Variants in BTNL9 observed in about 807,000 individuals in gnomAD.
BTNL9 encodes butyrophilin like 9.
In BTNL9, 45 loss-of-function variants were observed where a neutral mutation model predicts 45.8. That is an observed-to-expected ratio of 0.98 (90% confidence interval 0.77 to 1.26). BTNL9 has a LOEUF of 1.26. BTNL9 is among the 50% of genes most tolerant of loss of function. BTNL9 has a pLI of 0.00. For synonymous variants in BTNL9, 346 were observed against 330.8 expected (o/e 1.05, Z -0.50); for missense variants, 784 against 729.7 (o/e 1.07, Z -0.86).
chr5:181,061,307 C>T lies in BTNL9; in HGVS notation c.*1445C>T, dbSNP rs1247736584. 6.6e-6 allele frequency: 1 copy of T among 152,212 alleles called. No homozygotes were observed. Among genetic ancestry groups the T allele is most frequent in the African/African-American group, 2.4e-5 (1 of 41,458 alleles). The allele number at this position is 152,212 out of a possible 1,614,324, so 9.4% of individuals were successfully genotyped here. On this transcript the variant is annotated 3_prime_UTR_variant, in exon 11 of 11. Coordinates refer to ENST00000327705, the MANE Select transcript of BTNL9 (RefSeq NM_152547.5). ...TCTAGGTGACTGGTCGACAGATGTT[C>T]ATTGTACTATCAATGTGGCTTTGCT...
rs1760825232 is a variant in BTNL9, at chr5:181,042,450, G to A, written c.-24+2018G>A. Among the ~76,000 whole-genome samples the A allele has an allele frequency of 6.6e-6, 1 of 152,202 alleles. No homozygotes were observed. The highest frequency in any genetic ancestry group is 2.4e-5 in the African/African-American group (1 of 41,444). On this transcript the variant is annotated intron_variant, in intron 1 of 10. Coordinates refer to ENST00000327705, the MANE Select transcript of BTNL9 (RefSeq NM_152547.5). The surrounding 1 kb of genome is among the most constrained non-coding windows in gnomAD (Gnocchi z 4.5). The stretch of plus-strand genomic sequence containing the variant: ...GGGTGGAAAGTGTTTCCTTCGAGGA[G>A]GGGACTTACGCTTCAAGTAAGGATT...
In BTNL9 at chr5:181,059,977, G is replaced by A; in HGVS notation, c.*115G>A. 2 of 973,322 alleles carry A rather than the reference G, an allele frequency of 2.1e-6. No individual in the cohort carries two copies. The highest frequency in any genetic ancestry group is 5.8e-4 in the Middle Eastern group (2 of 3,466). The allele number at this position is 973,322 out of a possible 1,614,324, so 60.3% of individuals were successfully genotyped here. On this transcript the variant is annotated 3_prime_UTR_variant, in exon 11 of 11. Coordinates refer to ENST00000327705, the MANE Select transcript of BTNL9 (RefSeq NM_152547.5). ...GTGCACCAGCCAAAATGTCAGCGAG[G>A]GGGACAAAGAGAGGGACCTTTGCCT...
intron 10 of BTNL9, among the ~76,000 whole-genome samples, chr5:181,058,759 T>C (rs915238553): frequency 6.6e-6 from 1 of 151,128 alleles, no homozygotes; most frequent in African/African-American, 2.4e-5. Flanking sequence ...CTGGACTAGA[T>C]GATCTCAAAG....
At chr5:181,045,646 C>CT (rs755148732) in intron 2 of BTNL9, 48 bp downstream of exon 2, 1 of 1,426,248 alleles carries the variant, frequency 7.0e-7, no homozygotes, top group African/African-American at 1.4e-5. Context: ...GCCACCCCTC[C>CT]TGCCAGGTGC....
rs948481750 is a variant in BTNL9, at chr5:181,042,081, C to T, written c.-24+1649C>T. On this transcript the variant is annotated intron_variant, in intron 1 of 10. Coordinates refer to ENST00000327705, the MANE Select transcript of BTNL9 (RefSeq NM_152547.5). The surrounding 1 kb of genome is among the most constrained non-coding windows in gnomAD (Gnocchi z 4.5). The stretch of plus-strand genomic sequence containing the variant: ...GCAGGAGGAGAGAACAGGAGTGGGG[C>T]GGGCTGGGGGCAATGAGAGAGCAAG... 1.4e-4 allele frequency among the ~76,000 whole-genome samples: 22 copies of T among 151,964 alleles called. No homozygotes were observed. Among genetic ancestry groups the T allele is most frequent in the African/African-American group, 5.3e-4 (22 of 41,374 alleles).
At chr5:181,054,730 G>A in intron 7 of BTNL9, 1 of 985,210 alleles carries the variant, frequency 1.0e-6, no homozygotes, top group Non-Finnish European at 1.2e-6. Context: ...TGGAGGAAAA[G>A]GCCATCATGG....
intron 10 of BTNL9, 40 bp from the exon 11 acceptor site, chr5:181,059,197 G>A: frequency 6.8e-7 from 1 of 1,477,752 alleles, no homozygotes; most frequent in Non-Finnish European, 8.9e-7. Flanking sequence ...ACGGGGCCCA[G>A]ACCGTCCCGG....
chr5:181,054,053 T>G (rs902140828), intron 6 of BTNL9, 186 bp from the exon 7 acceptor site: 1 of 1,544,966 alleles, frequency 6.5e-7, no homozygotes, highest in African/African-American at 1.4e-5. Context: ...CAGCCAAGGG[T>G]GCGCACTTCC....
rs781133085 is a variant in BTNL9, at chr5:181,048,139, A to G, written c.322A>G (p.Lys108Glu). The G allele has an allele frequency of 8.1e-6, 13 of 1,613,548 alleles. No individual in the cohort carries two copies. Among genetic ancestry groups the G allele is most frequent in the Non-Finnish European group, 1.1e-5 (13 of 1,180,026 alleles). Residue 108 changes from lysine to glutamate, a missense_variant, in exon 3 of 11, where the codon AAG becomes GAG. Coordinates refer to ENST00000327705, the MANE Select transcript of BTNL9 (RefSeq NM_152547.5). ...GTTCCGGAACAGGACCAAGTTGGTC[A>G]AGGACGACATCGCCTATGGCAGCGT... ...PAFRNRTKLVKDDIAYGSVVL... is the reference protein window; with the variant it reads ...PAFRNRTKLVEDDIAYGSVVL...
rs372690028 is a variant in BTNL9, at chr5:181,054,271, G to C, written c.907+12G>C. The C allele has an allele frequency of 9.3e-6, 15 of 1,610,616 alleles. No individual in the cohort carries two copies. The highest frequency in any genetic ancestry group is 1.3e-5 in the African/African-American group (1 of 74,326). ...CACTGCAGAGCTGGGTAAGTTCTGG[G>C]TGCGGGGCCACAGTGCTGCCTGTCA... is the stretch of plus-strand genomic sequence containing the variant. On this transcript the variant is annotated intron_variant, in intron 7 of 10. Coordinates refer to ENST00000327705, the MANE Select transcript of BTNL9 (RefSeq NM_152547.5).
intron 10 of BTNL9, among the ~76,000 whole-genome samples, chr5:181,058,729 G>A (rs578244468): frequency 6.6e-6 from 1 of 151,994 alleles, no homozygotes; most frequent in Non-Finnish European, 1.5e-5. Context: ...AGATGGCATG[G>A]GGTGTTGAAA....
At chr5:181,054,155 T>G in intron 6 of BTNL9, 84 bp from the exon 7 acceptor site, 1 of 1,594,182 alleles carries the variant, frequency 6.3e-7, no homozygotes, top group South Asian at 1.1e-5. Context: ...GGCCTCAGTG[T>G]TCACCCATCT....
rs375394652 is a variant in BTNL9 at position 181,045,586 on chromosome 5, G to T, written c.97G>T (p.Glu33Ter). 1 of 1,611,390 alleles carries T rather than the reference G, an allele frequency of 6.2e-7. No homozygotes were observed. The highest frequency in any genetic ancestry group is 8.5e-7 in the Non-Finnish European group (1 of 1,178,540). Residue 33 changes from glutamate to a stop codon, truncating the protein, a stop_gained, in exon 2 of 11, where the codon GAG becomes TAG. Transcript: ENST00000327705. LOFTEE classifies it high-confidence loss of function. ...LMHLLLLQPG[E>*]PSSEVKVLGP... is the part of the protein sequence containing the mutation. ...GCACCTCCTCCTCCTTCAGCCTGGGGAGCCGAGCTCAGGTATTGTGTCTGC... is the reference window on the plus strand; with the variant it reads ...GCACCTCCTCCTCCTTCAGCCTGGGTAGCCGAGCTCAGGTATTGTGTCTGC...
chr5:181,050,460 T>A lies in BTNL9; in HGVS notation c.736+91T>A. On this transcript the variant is annotated intron_variant, in intron 4 of 10. Coordinates refer to ENST00000327705, the MANE Select transcript of BTNL9 (RefSeq NM_152547.5). The surrounding 1 kb of genome is among the most constrained non-coding windows in gnomAD (Gnocchi z 4.9). Reference sequence around the variant, plus strand: ...GCAGTCTATAAAGACACAATGGTACTGCGCCTGTCTGCATATAGGGTGTGT... The same window carrying A: ...GCAGTCTATAAAGACACAATGGTACAGCGCCTGTCTGCATATAGGGTGTGT... 1 of 1,430,442 alleles carries A rather than the reference T, an allele frequency of 7.0e-7. No individual in the cohort carries two copies. The allele number at this position is 1,430,442 out of a possible 1,614,324, so 88.6% of individuals were successfully genotyped here. A position where few individuals can be genotyped will look rare whatever the true frequency, so the allele number is the denominator to read the frequency against.
rs777966251 is a variant in BTNL9 at position 181,045,607 on chromosome 5, T to C, written c.109+9T>C. ...TGGGGAGCCGAGCTCAGGTATTGTGTCTGCAGCCTAGCTGGCCAGGATGTG... is the reference window on the plus strand; with the variant it reads ...TGGGGAGCCGAGCTCAGGTATTGTGCCTGCAGCCTAGCTGGCCAGGATGTG... On this transcript the variant is annotated intron_variant, in intron 2 of 10. Coordinates refer to ENST00000327705, the MANE Select transcript of BTNL9 (RefSeq NM_152547.5). 36 of 1,602,376 alleles carry C rather than the reference T, an allele frequency of 2.2e-5. No homozygotes were observed. The highest frequency in any genetic ancestry group is 3.0e-5 in the Non-Finnish European group (35 of 1,170,560).
chr5:181,053,666 T>C lies in BTNL9; in HGVS notation c.886+165T>C. On this transcript the variant is annotated intron_variant, in intron 6 of 10. Coordinates refer to ENST00000327705, the MANE Select transcript of BTNL9 (RefSeq NM_152547.5). The surrounding 1 kb of genome is among the most constrained non-coding windows in gnomAD (Gnocchi z 6.5). ...CCCGGTGGGGAAGGGGGAAGATCGT[T>C]CATATGGACAAAAGCGGAGGTGCGG... is the stretch of plus-strand genomic sequence containing the variant. 1 of 1,528,156 alleles carries C rather than the reference T, an allele frequency of 6.5e-7. No individual in the cohort carries two copies. Among genetic ancestry groups the C allele is most frequent in the African/African-American group, 1.4e-5 (1 of 72,298 alleles). 94.7% of individuals were successfully genotyped at this position (1,528,156 alleles called of 1,614,324 possible). A position where few individuals can be genotyped will look rare whatever the true frequency, so the allele number is the denominator to read the frequency against.
At position 181,050,487 on chromosome 5, in the gene BTNL9, G is replaced by A. The variant is rs932685735; in HGVS notation, c.736+118G>A. ...CGCCTGTCTGCATATAGGGTGTGTT[G>A]GCCTTGACACCTGAAAAGTCAGCAC... On this transcript the variant is annotated intron_variant, in intron 4 of 10. Transcript: ENST00000327705. The surrounding 1 kb of genome is among the most constrained non-coding windows in gnomAD (Gnocchi z 4.9). 3.2e-6 allele frequency: 4 copies of A among 1,265,304 alleles called. No homozygotes were observed. Among genetic ancestry groups the A allele is most frequent in the Non-Finnish European group, 4.4e-6 (4 of 907,240 alleles). 78.4% of individuals were successfully genotyped at this position (1,265,304 alleles called of 1,614,324 possible). A position where few individuals can be genotyped will look rare whatever the true frequency, so the allele number is the denominator to read the frequency against.
intron 2 of BTNL9, among the ~76,000 whole-genome samples, 171 bp from the exon 3 acceptor site, chr5:181,047,756 G>A (rs527484330): frequency 1.3e-5 from 2 of 152,236 alleles, no homozygotes; most frequent in East Asian, 1.9e-4. Flanking sequence ...TGCACTCAAC[G>A]TTTTTTCGTA....
intron 4 of BTNL9, among the ~76,000 whole-genome samples, chr5:181,051,156 T>C (rs1045228224): frequency 6.7e-6 from 1 of 149,832 alleles, no homozygotes; most frequent in Admixed American, 6.6e-5. Context: ...CTGAAAGCAG[T>C]GAGGCATGTC....
Sources: gnomAD v4.1 joint callset for allele counts (sites outside exome capture counted in the v4.1 genomes callset) on GRCh38, gnomAD v4.1.1 for gene constraint, Gnocchi (gnomAD v3.1) non-coding constraint, MANE v1.5 for transcripts, NCBI Gene and HGNC (gene_info 2026-07-23, HGNC 2026-07-21) for gene names.